The following ZDHHC21 variants were observed in gnomAD, a reference collection of about 807,000 sequenced individuals.
ZDHHC21 encodes the protein palmitoyltransferase ZDHHC21.
In ZDHHC21, 15 loss-of-function variants were observed where a neutral mutation model predicts 34.6. The observed-to-expected ratio is 0.43, with a 90% CI of 0.29 to 0.67. The LOEUF is 0.67. Among genes scored for constraint, ZDHHC21 ranks in the 30% least tolerant of loss-of-function variants. The probability of loss-of-function intolerance (pLI) is 0.14; values close to 1 mark genes in which losing one functional copy is unlikely to be tolerated. For synonymous variants in ZDHHC21, 142 were observed against 101.8 expected (o/e 1.40, Z -2.38); for missense variants, 344 against 327.7 (o/e 1.05, Z -0.38).
chr9:14,622,686 G>A, intron 8 of ZDHHC21: 1 of 985,012 alleles, frequency 1.0e-6, no homozygotes, highest in Non-Finnish European at 1.2e-6. Context: ...GAGTCCTTTG[G>A]CACACCTGAC....
chr9:14,658,646 T>C (rs1212835718), intron 7 of ZDHHC21, 103 bp downstream of exon 7: 17 of 922,358 alleles, frequency 1.8e-5, no homozygotes, highest in East Asian at 8.4e-5. Context: ...TAATTTTTTG[T>C]ATTTTTAGTA....
At position 14,693,257 on chromosome 9, in the gene ZDHHC21, G is replaced by T; in HGVS notation, c.-253C>A. On this transcript the variant is annotated 5_prime_UTR_variant, in exon 1 of 10. Transcript: ENST00000380916. ...CGCCGCTGGCTCGCCTCTCGCTGCC[G>T]CCGCTCTCCCGACCGCCAGCAGCTC... is the stretch of plus-strand genomic sequence containing the variant. 2 of 413,512 alleles carry T rather than the reference G, an allele frequency of 4.8e-6. No individual in the cohort carries two copies. Among genetic ancestry groups the T allele is most frequent in the South Asian group, 1.7e-5 (1 of 60,192 alleles). The allele number at this position is 413,512 out of a possible 1,614,324, so 25.6% of individuals were successfully genotyped here. A position where few individuals can be genotyped will look rare whatever the true frequency, so the allele number is the denominator to read the frequency against.
chr9:14,622,361 G>A (rs1033088453), intron 8 of ZDHHC21, among the ~76,000 whole-genome samples: 7 of 151,258 alleles, frequency 4.6e-5, no homozygotes, highest in Admixed American at 4.0e-4. Context: ...AAAAAATTAT[G>A]TTGACTATTA....
At chr9:14,676,378 C>T (rs1836380455) in intron 3 of ZDHHC21, among the ~76,000 whole-genome samples, 1 of 151,788 alleles carries the variant, frequency 6.6e-6, no homozygotes, top group Non-Finnish European at 1.5e-5. Context: ...CCTTAGAGGC[C>T]TTGCCCATGT....
chr9:14,676,795 A>G (rs1223726218), intron 3 of ZDHHC21, among the ~76,000 whole-genome samples: 1 of 152,040 alleles, frequency 6.6e-6, no homozygotes. Flanking sequence ...TTAAAAAGAG[A>G]AACATTCAAG....
intron 7 of ZDHHC21, among the ~76,000 whole-genome samples, chr9:14,650,066 G>A (rs1830957065): frequency 6.6e-6 from 1 of 151,980 alleles, no homozygotes; most frequent in Non-Finnish European, 1.5e-5. Context: ...ATGGAAACAT[G>A]TTTAATGAGG....
chr9:14,663,493 A>AT (rs35050957), intron 5 of ZDHHC21, among the ~76,000 whole-genome samples: 5,531 of 136,658 alleles, frequency 0.04, 228 homozygotes, highest in African/African-American at 0.11. Flanking sequence ...CAGATTACAG[A>AT]TTTTTTTTTT....
rs190582622 is a variant in ZDHHC21 at position 14,620,604 on chromosome 9, C to T, written c.622-922G>A. ...CTATTCATGCAAACTCTTGCAGCTA[C>T]AGGTAAAATCCCAAGAACTTATTTG... On this transcript the variant is annotated intron_variant, in intron 8 of 9. Transcript: ENST00000380916. 5.5e-4 allele frequency among the ~76,000 whole-genome samples: 83 copies of T among 152,026 alleles called. 1 individual carries two copies. The highest frequency in any genetic ancestry group is 5.0e-3 in the Admixed American group (76 of 15,234).
Position 14,639,904 on chromosome 9 carries a change from T to C in ZDHHC21, c.613A>G (p.Ile205Val). The C allele has an allele frequency of 1.9e-6, 3 of 1,559,090 alleles. No homozygotes were observed. The highest frequency in any genetic ancestry group is 2.3e-5 in the East Asian group (1 of 44,318). Residue 205 changes from isoleucine to valine, a missense_variant, in exon 8 of 10, where the codon ATC becomes GTC. Ile to Val is a conservative substitution (Grantham distance 29, BLOSUM62 3). Transcript: ENST00000380916. ...ATTAAAAATATACTTACTGTGATGA[T>C]GCCAATTAGTTGAGTGTAAAAGAGT... is the stretch of plus-strand genomic sequence containing the variant. ...TGLFYTQLIG[I>V]ITDTTSIEKM...
chr9:14,650,749 G>C (rs988197994), intron 7 of ZDHHC21, among the ~76,000 whole-genome samples: 1 of 151,910 alleles, frequency 6.6e-6, no homozygotes, highest in Non-Finnish European at 1.5e-5. Context: ...TTAGATATCA[G>C]CCAATTGGAA....
chr9:14,639,728 C>A (rs886509019), intron 8 of ZDHHC21, among the ~76,000 whole-genome samples, 168 bp downstream of exon 8: 1 of 152,068 alleles, frequency 6.6e-6, no homozygotes. Context: ...ATTGTGTATA[C>A]TTTGTACTTG....
At position 14,643,831 on chromosome 9, in the gene ZDHHC21, A is replaced by T. The variant is rs529589825; in HGVS notation, c.505-3819T>A. On this transcript the variant is annotated intron_variant, in intron 7 of 9. Transcript: ENST00000380916. ...CCTGAGATCAAGTATCCATACATGC[A>T]TGGGCTCTCTACTCTTGTTCCCTTG... 1.4e-4 allele frequency among the ~76,000 whole-genome samples: 21 copies of T among 152,312 alleles called. No individual in the cohort carries two copies. The South Asian group carries it at 4.1e-3, about 30-fold the overall frequency.
At chr9:14,688,318 G>T (rs1052222832) in intron 2 of ZDHHC21, among the ~76,000 whole-genome samples, 1 of 150,890 alleles carries the variant, frequency 6.6e-6, no homozygotes, top group Non-Finnish European at 1.5e-5. Flanking sequence ...CTTTACAGGG[G>T]AGCGAAGGAG....
intron 8 of ZDHHC21, among the ~76,000 whole-genome samples, chr9:14,636,827 T>C (rs1359217235): frequency 6.6e-6 from 1 of 151,996 alleles, no homozygotes; most frequent in Admixed American, 6.6e-5. Context: ...AGAAAGAAAC[T>C]AGGTAGGAAA....
intron 8 of ZDHHC21, among the ~76,000 whole-genome samples, chr9:14,633,288 G>A (rs10961628): frequency 0.38 from 57,715 of 152,010 alleles, 11,329 homozygotes; most frequent in Non-Finnish European, 0.44. Flanking sequence ...AAGGCAGCCT[G>A]GTTAGTCAAA....
chr9:14,672,308 G>A (rs1238790818), intron 5 of ZDHHC21, among the ~76,000 whole-genome samples: 1 of 151,792 alleles, frequency 6.6e-6, no homozygotes, highest in East Asian at 1.9e-4. Context: ...ATCTTTCACT[G>A]TTAAAATTTT....
intron 8 of ZDHHC21, among the ~76,000 whole-genome samples, chr9:14,630,148 T>C (rs1460899412): frequency 6.6e-6 from 1 of 152,228 alleles, no homozygotes; most frequent in East Asian, 1.9e-4. Context: ...TTGATAGCAC[T>C]TTACCCACAG....
chr9:14,619,582 G>T, intron 9 of ZDHHC21, 57 bp downstream of exon 9: 1 of 1,241,610 alleles, frequency 8.1e-7, no homozygotes. Flanking sequence ...TATTTCTCAA[G>T]TATGTCCAGT....
At chr9:14,609,810 T>C (rs989879977), downstream of ZDHHC21, among the ~76,000 whole-genome samples, 1 of 152,116 alleles carries the variant, frequency 6.6e-6, no homozygotes, top group African/African-American at 2.4e-5. Context: ...AAACCATCAC[T>C]TGAGTTTTAG....
Sources: allele counts gnomAD v4.1 joint callset (sites outside exome capture counted in the v4.1 genomes callset), GRCh38; gene constraint gnomAD v4.1.1; transcripts MANE v1.5; gene names NCBI Gene and HGNC (gene_info 2026-07-23, HGNC 2026-07-21).